Variants in KANSL1 observed in about 807,000 individuals in gnomAD.
The protein encoded by KANSL1 is MLL1/MLL complex subunit KANSL1.
KANSL1 carries 22 observed loss-of-function variants against 103.6 expected under a neutral mutation model. That is an observed-to-expected ratio of 0.21 (90% CI 0.15 to 0.30). The LOEUF (loss-of-function observed/expected upper bound fraction) is 0.30. Among genes scored for constraint, KANSL1 ranks in the 10% least tolerant of loss-of-function variants. The pLI is 1.00. For synonymous variants in KANSL1, 600 were observed against 527.6 expected (o/e 1.14, Z -1.88); for missense variants, 1,337 against 1,399.8 (o/e 0.96, Z 0.72).
chr17:46,151,273 C>T (rs1021118994), intron 2 of KANSL1, among the ~76,000 whole-genome samples: 1 of 152,226 alleles, frequency 6.6e-6, no homozygotes, highest in South Asian at 2.1e-4. Context: ...CCTGCCACCC[C>T]GGGCTTACTG....
chr17:46,059,365 T>G (rs2078063632), intron 6 of KANSL1, among the ~76,000 whole-genome samples: 1 of 151,994 alleles, frequency 6.6e-6, no homozygotes, highest in South Asian at 2.1e-4. Flanking sequence ...ACACCTGTAA[T>G]CCCAGCACTT....
At chr17:46,093,708 A>G (rs555279967) in intron 3 of KANSL1, 2 of 152,532 alleles carry the variant, frequency 1.3e-5, no homozygotes, top group South Asian at 2.1e-4. Context: ...ACTAGTACTA[A>G]GGTCAAAAAG....
At chr17:46,066,849 G>A in intron 5 of KANSL1, 117 bp from the exon 6 acceptor site, 1 of 708,090 alleles carries the variant, frequency 1.4e-6, no homozygotes, top group Non-Finnish European at 2.3e-6. Flanking sequence ...ATTTGCTAAT[G>A]TTCAGACACA....
At chr17:46,199,177 A>G (rs1347452809) in intron 1 of KANSL1, among the ~76,000 whole-genome samples, 1 of 152,286 alleles carries the variant, frequency 6.6e-6, no homozygotes, top group Non-Finnish European at 1.5e-5. Flanking sequence ...GCCAACAGAA[A>G]GAAGCCAGTT....
In KANSL1 at chr17:46,072,105, AGATCAAGTAAGCGT is replaced by A. The variant is rs560225269; in HGVS notation, c.1534-4452_1534-4439del. 1.4e-3 allele frequency among the ~76,000 whole-genome samples: 212 copies of A among 152,220 alleles called. 1 individual carries two copies. Among genetic ancestry groups the A allele is most frequent in the African/African-American group, 5.0e-3 (209 of 41,540 alleles). ...CTCATTCATTACTCCACTCTGGGCC[AGATCAAGTAAGCGT>A]GACAAAGAGGCCTTGAATGAAAAGC... On this transcript the variant is annotated intron_variant, in intron 4 of 14. Transcript: ENST00000432791.
chr17:46,203,697 G>A (rs959377773), intron 1 of KANSL1, among the ~76,000 whole-genome samples: 3 of 152,176 alleles, frequency 2.0e-5, no homozygotes, highest in Admixed American at 6.5e-5. Context: ...CTTTTCTGAA[G>A]CTTGCCTAAA....
At position 46,070,915 on chromosome 17, in the gene KANSL1, G is replaced by C. The variant is rs545242056; in HGVS notation, c.1534-3248C>G. ...ATGAGATTTAACTGCAAGAACACTT[G>C]TCAAGATAAAATGTTGCCATTCTCT... On this transcript the variant is annotated intron_variant, in intron 4 of 14. Coordinates refer to ENST00000432791, the MANE Select transcript of KANSL1 (RefSeq NM_015443.4). Among the ~76,000 whole-genome samples the C allele has an allele frequency of 2.0e-3, 297 of 152,218 alleles. 1 individual carries two copies. Among genetic ancestry groups the C allele is most frequent in the African/African-American group, 6.5e-3 (271 of 41,546 alleles).
chr17:46,086,909 G>A (rs1024485170), intron 3 of KANSL1, among the ~76,000 whole-genome samples: 10 of 152,246 alleles, frequency 6.6e-5, no homozygotes, highest in Non-Finnish European at 1.0e-4. Context: ...GGGTACTACA[G>A]GCGCATACCA....
At chr17:46,055,061 G>A (rs1382106675) in intron 6 of KANSL1, among the ~76,000 whole-genome samples, 1 of 151,876 alleles carries the variant, frequency 6.6e-6, no homozygotes, top group African/African-American at 2.4e-5. Context: ...GTGTTAGCCA[G>A]GATGGTCTCG....
At chr17:46,046,674 T>C (rs1008725301) in intron 7 of KANSL1, among the ~76,000 whole-genome samples, 17 of 147,812 alleles carry the variant, frequency 1.2e-4, no homozygotes, top group South Asian at 6.9e-4. Flanking sequence ...CCATCTCTAC[T>C]AAAAGTACAA....
chr17:46,204,684 C>T (rs911560843), intron 1 of KANSL1, among the ~76,000 whole-genome samples: 13 of 152,182 alleles, frequency 8.5e-5, no homozygotes, highest in African/African-American at 2.9e-4. Context: ...CTTATGAATA[C>T]AGATGTAAAA....
chr17:46,040,840 CG>C (rs1212882126), intron 7 of KANSL1: 1 of 152,120 alleles, frequency 6.6e-6, no homozygotes, highest in Non-Finnish European at 1.5e-5. Context: ...CTCTTGACAG[CG>C]TTTAGTTATT....
intron 2 of KANSL1, among the ~76,000 whole-genome samples, chr17:46,106,945 A>C (rs961723093): frequency 6.6e-6 from 1 of 152,250 alleles, no homozygotes; most frequent in Non-Finnish European, 1.5e-5. Flanking sequence ...AAATCCTGCA[A>C]ATAACACAAG....
At chr17:46,215,996 T>A (rs2048328266) in intron 1 of KANSL1, among the ~76,000 whole-genome samples, 1 of 152,094 alleles carries the variant, frequency 6.6e-6, no homozygotes, top group African/African-American at 2.4e-5. Context: ...GCCGAGACCG[T>A]GCCACTGCAC....
intron 2 of KANSL1, among the ~76,000 whole-genome samples, chr17:46,151,432 T>TTTCCC: frequency 6.6e-6 from 1 of 152,376 alleles, no homozygotes; most frequent in Non-Finnish European, 1.5e-5. Context: ...TCAGAGAGGC[T>TTTCCC]TTCCCTGACC....
At chr17:46,190,466 C>A (rs2047261103) in intron 1 of KANSL1, among the ~76,000 whole-genome samples, 1 of 152,222 alleles carries the variant, frequency 6.6e-6, no homozygotes, top group Admixed American at 6.5e-5. Context: ...AGAAAAGATG[C>A]AAGAAAACTT....
At chr17:46,108,560 G>A (rs536374836) in intron 2 of KANSL1, among the ~76,000 whole-genome samples, 26 of 152,190 alleles carry the variant, frequency 1.7e-4, no homozygotes, top group African/African-American at 4.8e-4. Context: ...AATCATATCC[G>A]GAAAACAGAG....
intron 2 of KANSL1, among the ~76,000 whole-genome samples, chr17:46,105,947 A>ACACACACCCC (rs1396276906): frequency 3.5e-5 from 2 of 57,860 alleles, no homozygotes; most frequent in African/African-American, 1.3e-4. Flanking sequence ...ACACACACAC[A>ACACACACCCC]CCCCCCCAGA....
rs558947089 is a variant in KANSL1, at chr17:46,184,831, T to C, written c.-90+7992A>G. Reference sequence around the variant, plus strand: ...TGTCTTGTCTCTTTCTTCCCCAGAGTATGTACTTTTTTTTTTTTTTTTTTT... The same window carrying C: ...TGTCTTGTCTCTTTCTTCCCCAGAGCATGTACTTTTTTTTTTTTTTTTTTT... On this transcript the variant is annotated intron_variant, in intron 1 of 14. Transcript: ENST00000432791. Among the ~76,000 whole-genome samples, 3 of 147,750 alleles carry C rather than the reference T, an allele frequency of 2.0e-5. No individual in the cohort carries two copies. In the Admixed American group the frequency reaches 2.1e-4, roughly 10 times the overall value.
Sources: allele counts gnomAD v4.1 joint callset (sites outside exome capture counted in the v4.1 genomes callset), GRCh38; gene constraint gnomAD v4.1.1; transcripts MANE v1.5; gene names NCBI Gene and HGNC (gene_info 2026-07-23, HGNC 2026-07-21).